RNF175: variants seen among roughly 807,000 people sequenced by gnomAD.
RNF175 encodes ring finger protein 175.
In RNF175, 38 loss-of-function variants were observed where a neutral mutation model predicts 50.0. That is an observed-to-expected ratio of 0.76 (90% CI 0.59 to 1.00). The LOEUF (loss-of-function observed/expected upper bound fraction) is 1.00, where lower values mean the gene tolerates loss of function less well. Ranked by LOEUF, RNF175 falls within the 50% of genes least tolerant of loss-of-function variation. The pLI is 0.00. For synonymous variants in RNF175, 155 were observed against 146.1 expected, an observed-to-expected ratio of 1.06 and a Z score of -0.44; for missense variants, 388 against 409.6, an observed-to-expected ratio of 0.95 and a Z score of 0.46.
intron 1 of RNF175, 132 bp downstream of exon 1, chr4:153,759,665 G>A: frequency 3.6e-6 from 2 of 552,596 alleles, no homozygotes; most frequent in Non-Finnish European, 6.0e-6. Context: ...CCGTCCCCAC[G>A]TCTTTCCAGG....
intron 3 of RNF175, among the ~76,000 whole-genome samples, chr4:153,741,055 CT>C (rs1472490843): frequency 1.3e-5 from 2 of 152,186 alleles, no homozygotes; most frequent in Admixed American, 6.5e-5. Flanking sequence ...CGCTGGACAC[CT>C]GTTGATGTGG....
intron 3 of RNF175, among the ~76,000 whole-genome samples, chr4:153,746,677 G>A (rs755401391): frequency 6.6e-6 from 1 of 152,226 alleles, no homozygotes; most frequent in Non-Finnish European, 1.5e-5. Context: ...GGACTTGGGG[G>A]CATCCCCACC....
intron 3 of RNF175, among the ~76,000 whole-genome samples, chr4:153,744,074 C>A (rs1388375264): frequency 6.6e-6 from 1 of 152,176 alleles, no homozygotes; most frequent in Non-Finnish European, 1.5e-5. Flanking sequence ...GACACAAGAG[C>A]AGCTGCTTCA....
At chr4:153,714,008 A>G (rs1478533213) in intron 7 of RNF175, 1 of 152,252 alleles carries the variant, frequency 6.6e-6, no homozygotes, top group East Asian at 1.9e-4. Context: ...AATATGACTC[A>G]TATTTGCCCA....
chr4:153,759,894 G>C lies in RNF175; in HGVS notation c.-32C>G. Reference sequence around the variant, plus strand: ...GCCACTGTGCCTTCTCCAGGGCACAGCGCCTGCCGGGGAGGGTCCCGCAGA... The same window carrying C: ...GCCACTGTGCCTTCTCCAGGGCACACCGCCTGCCGGGGAGGGTCCCGCAGA... On this transcript the variant is annotated 5_prime_UTR_variant, in exon 1 of 9. Transcript: ENST00000347063. 7.5e-7 allele frequency: 1 copy of C among 1,331,386 alleles called. No individual in the cohort carries two copies. Among genetic ancestry groups the C allele is most frequent in the South Asian group, 1.8e-5 (1 of 55,856 alleles). The allele number at this position is 1,331,386 out of a possible 1,614,324, so 82.5% of individuals were successfully genotyped here.
chr4:153,711,683 G>A (rs1445637876), intron 8 of RNF175, among the ~76,000 whole-genome samples: 1 of 152,186 alleles, frequency 6.6e-6, no homozygotes, highest in Non-Finnish European at 1.5e-5. Flanking sequence ...TCTGCTTAAG[G>A]GAGGATATGT....
intron 3 of RNF175, among the ~76,000 whole-genome samples, chr4:153,736,607 T>G (rs1739364190): frequency 6.6e-6 from 1 of 152,230 alleles, no homozygotes; most frequent in Non-Finnish European, 1.5e-5. Flanking sequence ...CTTTAAATGT[T>G]TGGTAGAATT....
intron 6 of RNF175, among the ~76,000 whole-genome samples, chr4:153,716,623 C>T (rs1015594616): frequency 3.3e-5 from 5 of 151,830 alleles, no homozygotes; most frequent in Admixed American, 1.3e-4. Flanking sequence ...AAAAATATTA[C>T]AGAGATTGGC....
chr4:153,723,776 C>T (rs1203511748), intron 4 of RNF175, among the ~76,000 whole-genome samples: 1 of 152,154 alleles, frequency 6.6e-6, no homozygotes, highest in Non-Finnish European at 1.5e-5. Context: ...CTCCCCACAG[C>T]GCCCCCTTCT....
At chr4:153,734,101 C>A (rs1022154274) in intron 3 of RNF175, among the ~76,000 whole-genome samples, 1 of 152,122 alleles carries the variant, frequency 6.6e-6, no homozygotes, top group African/African-American at 2.4e-5. Flanking sequence ...ATTTATCCAG[C>A]TTTTAAAGGA....
At chr4:153,719,561 A>C (rs1317290319) in intron 6 of RNF175, among the ~76,000 whole-genome samples, 1 of 152,246 alleles carries the variant, frequency 6.6e-6, no homozygotes, top group Non-Finnish European at 1.5e-5. Flanking sequence ...GAATACATCT[A>C]ACTCCAAAGT....
At chr4:153,740,028 T>C (rs956889909) in intron 3 of RNF175, among the ~76,000 whole-genome samples, 11 of 151,802 alleles carry the variant, frequency 7.2e-5, no homozygotes, top group African/African-American at 2.7e-4. Context: ...TGTTCTATTT[T>C]CTTTTCACTC....
chr4:153,720,399 A>T, intron 5 of RNF175, 95 bp from the exon 6 acceptor site: 2 of 945,946 alleles, frequency 2.1e-6, no homozygotes, highest in Non-Finnish European at 1.6e-6. Context: ...ATCTAAGAGA[A>T]CCTTGTGGGT....
intron 4 of RNF175, among the ~76,000 whole-genome samples, chr4:153,727,344 A>G (rs1278873727): frequency 2.0e-5 from 3 of 152,142 alleles, no homozygotes; most frequent in Non-Finnish European, 4.4e-5. Context: ...ACATGAATTC[A>G]TGTATTTGGA....
chr4:153,744,378 C>T (rs1285744963), intron 3 of RNF175, among the ~76,000 whole-genome samples: 3 of 151,776 alleles, frequency 2.0e-5, no homozygotes, highest in Non-Finnish European at 4.4e-5. Flanking sequence ...GCCGAGATCG[C>T]GCCATTGCAC....
chr4:153,748,744 A>C lies in RNF175; in HGVS notation c.147T>G (p.Asp49Glu), dbSNP rs374715668. The change falls in exon 3 of 9, where the codon GAT becomes GAG. Residue 49 changes from aspartate to glutamate, a missense_variant. Coordinates refer to ENST00000347063, the MANE Select transcript of RNF175 (RefSeq NM_173662.4). The stretch of plus-strand genomic sequence containing the variant: ...TCAAGATCATTTCCACGTGCATGGA[A>C]TCGTGGCCCCGGTGCATCTTGTACA... ...ERMYKMHRGH[D>E]SMHVEMILIF... 5.0e-6 allele frequency: 8 copies of C among 1,611,754 alleles called. No homozygotes were observed. The African/African-American group carries it at 9.3e-5, about 19-fold the overall frequency.
chr4:153,750,129 T>C (rs1740205345), intron 2 of RNF175, among the ~76,000 whole-genome samples: 1 of 152,172 alleles, frequency 6.6e-6, no homozygotes, highest in Non-Finnish European at 1.5e-5. Context: ...GTCAGTTACT[T>C]TCTAAATACT....
chr4:153,719,374 TCTTTG>T, intron 6 of RNF175, among the ~76,000 whole-genome samples: 2 of 152,346 alleles, frequency 1.3e-5, no homozygotes, highest in South Asian at 4.1e-4. Flanking sequence ...TGTTTCCATG[TCTTTG>T]CTTTACACTG....
chr4:153,718,249 T>TTTTTTTTTTTTTTTTC (rs1738107480), intron 6 of RNF175, among the ~76,000 whole-genome samples: 1 of 137,976 alleles, frequency 7.2e-6, no homozygotes, highest in Non-Finnish European at 1.5e-5. Flanking sequence ...TTTTTTTTTT[T>TTTTTTTTTTTTTTTTC]TTTGAAGCAG....
Sources: gnomAD v4.1 joint callset for allele counts (sites outside exome capture counted in the v4.1 genomes callset) on GRCh38, gnomAD v4.1.1 for gene constraint, MANE v1.5 for transcripts, NCBI Gene and HGNC (gene_info 2026-07-23, HGNC 2026-07-21) for gene names.